The following SPOCK1 variants were observed in gnomAD, a reference collection of about 807,000 sequenced individuals.
The protein encoded by SPOCK1 is SPARC (osteonectin), cwcv and kazal like domains proteoglycan 1, also known as testican-1.
A neutral mutation model predicts 55.3 loss-of-function variants in SPOCK1; 23 were observed. The observed-to-expected ratio is 0.42, with a 90% CI of 0.30 to 0.59. The LOEUF (loss-of-function observed/expected upper bound fraction) is 0.59, where lower values mean the gene tolerates loss of function less well. SPOCK1 is among the 20% of genes least tolerant of loss of function. The pLI, the probability that SPOCK1 is intolerant of heterozygous loss-of-function variation, is 0.22. For synonymous variants in SPOCK1, 226 were observed against 221.0 expected (o/e 1.02, Z -0.20); for missense variants, 499 against 552.5 (o/e 0.90, Z 0.97).
intron 2 of SPOCK1, among the ~76,000 whole-genome samples, chr5:137,338,850 A>C (rs1750349819): frequency 6.6e-6 from 1 of 152,118 alleles, no homozygotes; most frequent in African/African-American, 2.4e-5. Context: ...TCCTTCGCCC[A>C]CTTTTTGATG....
chr5:137,436,678 GA>G (rs1253694325), intron 2 of SPOCK1, among the ~76,000 whole-genome samples: 11 of 152,308 alleles, frequency 7.2e-5, no homozygotes, highest in African/African-American at 2.6e-4. Context: ...GGAATGGGGT[GA>G]AATGATACAT....
rs544737517 is a variant in SPOCK1 at position 137,144,629 on chromosome 5, C to T, written c.233-3935G>A. The stretch of plus-strand genomic sequence containing the variant: ...GTGTCATTTCCATTTAAACTCAGGC[C>T]TCCCAAATACGTTTTACCTAGCAGC... On this transcript the variant is annotated intron_variant, in intron 3 of 10. Transcript: ENST00000394945. Among the ~76,000 whole-genome samples the T allele has an allele frequency of 2.0e-5, 3 of 152,268 alleles. No homozygotes were observed. The East Asian group carries it at 5.8e-4, about 29-fold the overall frequency.
At chr5:137,170,345 C>T (rs1413033125) in intron 3 of SPOCK1, among the ~76,000 whole-genome samples, 2 of 152,084 alleles carry the variant, frequency 1.3e-5, no homozygotes, top group Non-Finnish European at 2.9e-5. Flanking sequence ...CTATGGTGTT[C>T]CAGGCACTGG....
chr5:137,388,651 C>G (rs1046318361), intron 2 of SPOCK1, among the ~76,000 whole-genome samples: 3 of 152,142 alleles, frequency 2.0e-5, no homozygotes, highest in African/African-American at 4.8e-5. Context: ...GATGGACACT[C>G]TCACCTTCCA....
intron 2 of SPOCK1, among the ~76,000 whole-genome samples, chr5:137,455,595 C>G (rs922204264): frequency 8.5e-5 from 13 of 152,204 alleles, no homozygotes; most frequent in African/African-American, 3.1e-4. Context: ...CCATGGGAAT[C>G]TGTGCTGATG....
chr5:137,158,692 C>A lies in SPOCK1; in HGVS notation c.233-17998G>T, dbSNP rs188704274. Among the ~76,000 whole-genome samples, 285 of 151,986 alleles carry A rather than the reference C, an allele frequency of 1.9e-3. 5 individuals carry two copies. Among genetic ancestry groups the A allele is most frequent in the Non-Finnish European group, 2.4e-4 (16 of 67,974 alleles). Reference sequence around the variant, plus strand: ...TTTACACAGAACACTCCACAAAGTGCAGCTGGAAAGGGGGCAGTGGCTGTG... The same window carrying A: ...TTTACACAGAACACTCCACAAAGTGAAGCTGGAAAGGGGGCAGTGGCTGTG... On this transcript the variant is annotated intron_variant, in intron 3 of 10. Transcript: ENST00000394945.
intron 3 of SPOCK1, among the ~76,000 whole-genome samples, chr5:137,176,502 A>ATGTGTGTGTGTGTGTGTGTG (rs10527760): frequency 7.6e-4 from 115 of 150,412 alleles, no homozygotes; most frequent in East Asian, 4.3e-3. Flanking sequence ...CCCCACCACA[A>ATGTGTGTGTGTGTGTGTGTG]TGTGTGTGTG....
In SPOCK1 at chr5:137,160,586, A is replaced by ATATT. The variant is rs1561631704; in HGVS notation, c.233-19893_233-19892insAATA. On this transcript the variant is annotated intron_variant, in intron 3 of 10. Transcript: ENST00000394945. ...ATATTATATATTATATAATATATATAATATATAATATATTATATATAATAT... is the reference window on the plus strand; with the variant it reads ...ATATTATATATTATATAATATATATATATTATATATAATATATTATATATAATAT... Among the ~76,000 whole-genome samples the ATATT allele has an allele frequency of 1.2e-4, 5 of 41,646 alleles. 1 individual carries two copies. Among genetic ancestry groups the ATATT allele is most frequent in the East Asian group, 2.7e-3 (2 of 752 alleles). 27.3% of individuals were successfully genotyped at this position (41,646 alleles called of 152,430 possible). A position where few individuals can be genotyped will look rare whatever the true frequency, so the allele number is the denominator to read the frequency against.
chr5:137,000,060 A>G (rs1198162755), intron 6 of SPOCK1, among the ~76,000 whole-genome samples: 1 of 152,152 alleles, frequency 6.6e-6, no homozygotes, highest in African/African-American at 2.4e-5. Flanking sequence ...AGCAAATATG[A>G]AAACAATCAG....
chr5:136,998,307 G>A (rs1229970281), intron 6 of SPOCK1, among the ~76,000 whole-genome samples: 1 of 152,166 alleles, frequency 6.6e-6, no homozygotes, highest in African/African-American at 2.4e-5. Flanking sequence ...TCCAGGATTG[G>A]GAGATTGGTC....
At chr5:137,131,989 A>AAAAAATATAT (rs1391176339) in intron 4 of SPOCK1, among the ~76,000 whole-genome samples, 2 of 36,056 alleles carry the variant, frequency 5.5e-5, no homozygotes, top group African/African-American at 1.8e-4. Context: ...AAAAAAAAAA[A>AAAAAATATAT]ATATATATAT....
At chr5:137,277,727 C>A (rs1757094735) in intron 2 of SPOCK1, among the ~76,000 whole-genome samples, 1 of 152,190 alleles carries the variant, frequency 6.6e-6, no homozygotes, top group Non-Finnish European at 1.5e-5. Flanking sequence ...GACAGCCGGT[C>A]TATCTGTCAT....
At chr5:137,284,317 C>G (rs1315952092) in intron 2 of SPOCK1, among the ~76,000 whole-genome samples, 2 of 152,226 alleles carry the variant, frequency 1.3e-5, no homozygotes, top group Non-Finnish European at 1.5e-5. Flanking sequence ...CAGACCCATA[C>G]AACCAGCAGG....
At chr5:137,337,087 C>A (rs1020455572) in intron 2 of SPOCK1, among the ~76,000 whole-genome samples, 5 of 152,158 alleles carry the variant, frequency 3.3e-5, no homozygotes, top group African/African-American at 7.2e-5. Context: ...CTAGTACCTG[C>A]TGAATTAACT....
At chr5:137,084,079 T>G (rs185752370) in intron 5 of SPOCK1, among the ~76,000 whole-genome samples, 1 of 152,142 alleles carries the variant, frequency 6.6e-6, no homozygotes, top group Non-Finnish European at 1.5e-5. Flanking sequence ...AGGATTATGA[T>G]GAGAGTTCAG....
chr5:137,361,607 C>A (rs975275966), intron 2 of SPOCK1, among the ~76,000 whole-genome samples: 1 of 151,974 alleles, frequency 6.6e-6, no homozygotes, highest in Non-Finnish European at 1.5e-5. Context: ...CATTTACACA[C>A]GATTAGGAAT....
chr5:137,253,730 C>T (rs1448415683), intron 3 of SPOCK1, among the ~76,000 whole-genome samples: 1 of 152,202 alleles, frequency 6.6e-6, no homozygotes, highest in Non-Finnish European at 1.5e-5. Flanking sequence ...TTGGATTGAG[C>T]CAAAAGCCAT....
intron 7 of SPOCK1, chr5:136,988,918 TG>T: frequency 3.4e-6 from 1 of 291,432 alleles, no homozygotes; most frequent in Non-Finnish European, 6.3e-6. Context: ...TATAAATATG[TG>T]TTTTCATTTG....
intron 2 of SPOCK1, among the ~76,000 whole-genome samples, chr5:137,318,203 G>A (rs988302407): frequency 6.6e-6 from 1 of 152,066 alleles, no homozygotes; most frequent in East Asian, 1.9e-4. Flanking sequence ...CCACTGGGGC[G>A]ATTCTGATGA....
Sources: gnomAD v4.1 joint callset for allele counts (sites outside exome capture counted in the v4.1 genomes callset) on GRCh38, gnomAD v4.1.1 for gene constraint, MANE v1.5 for transcripts, NCBI Gene and HGNC (gene_info 2026-07-23, HGNC 2026-07-21) for gene names.